Variants in HDAC4 observed in about 807,000 individuals in gnomAD.
The protein encoded by HDAC4 is histone deacetylase 4.
Under a neutral mutation model 135.1 loss-of-function variants are expected in HDAC4, and 16 were observed. The observed-to-expected ratio is 0.12, with a 90% CI of 0.08 to 0.18. The LOEUF (loss-of-function observed/expected upper bound fraction) is 0.18. Ranked by LOEUF, HDAC4 falls within the 10% of genes least tolerant of loss-of-function variation. HDAC4 has a pLI of 1.00. For synonymous variants in HDAC4, 685 were observed against 653.4 expected, an observed-to-expected ratio of 1.05 and a Z score of -0.74; for missense variants, 1,143 against 1,511.8, an observed-to-expected ratio of 0.76 and a Z score of 4.05.
intron 22 of HDAC4, among the ~76,000 whole-genome samples, chr2:239,070,754 AG>A (rs2034103864): frequency 6.6e-6 from 1 of 152,198 alleles, no homozygotes; most frequent in African/African-American, 2.4e-5. Flanking sequence ...GCCTTTAAAA[AG>A]GGGCTTCAAA....
At chr2:239,274,441 A>G (rs964527767) in intron 2 of HDAC4, among the ~76,000 whole-genome samples, 1 of 152,180 alleles carries the variant, frequency 6.6e-6, no homozygotes, top group East Asian at 1.9e-4. Context: ...CGAATCATGT[A>G]TGGGCCCCCG....
At chr2:239,268,529 G>C (rs1025529502) in intron 2 of HDAC4, among the ~76,000 whole-genome samples, 11 of 152,244 alleles carry the variant, frequency 7.2e-5, no homozygotes, top group Non-Finnish European at 1.5e-4. Flanking sequence ...CTTCTTCCCT[G>C]CTGGCTTTTA....
In HDAC4 at chr2:239,052,843, G is replaced by C. The variant is rs898028984; in HGVS notation, c.*254C>G. The C allele has an allele frequency of 5.5e-6, 3 of 547,500 alleles. No individual in the cohort carries two copies. Among genetic ancestry groups the C allele is most frequent in the Non-Finnish European group, 9.9e-6 (3 of 304,300 alleles). The allele number at this position is 547,500 out of a possible 1,614,324, so 33.9% of individuals were successfully genotyped here. On this transcript the variant is annotated 3_prime_UTR_variant, in exon 27 of 27. Coordinates refer to ENST00000543185, the MANE Select transcript of HDAC4 (RefSeq NM_001378414.1). ...CCGCCAGAGTGTGCTTGGCTTCCGC[G>C]TGTCCGTGTGTCTGCGCGTCGCCGG...
chr2:239,226,284 G>A (rs1424858083), intron 3 of HDAC4, among the ~76,000 whole-genome samples: 3 of 151,874 alleles, frequency 2.0e-5, no homozygotes, highest in Admixed American at 2.0e-4. Context: ...CAAATTCTCA[G>A]TGGAAAAAAA....
chr2:239,205,094 TGGCTGGCAGGTGGCAA>T (rs1559223618), intron 3 of HDAC4, among the ~76,000 whole-genome samples: 1 of 152,142 alleles, frequency 6.6e-6, no homozygotes, highest in Non-Finnish European at 1.5e-5. Context: ...CCACCCCACG[TGGCTGGCAGGTGGCAA>T]GGCCTACATT....
rs1055222029 is a variant in HDAC4 at position 239,303,271 on chromosome 2, T to C, written c.22+49407A>G. ...CAAGGTCCCTGGAATCCCCGACAGC[T>C]TGACAATGTGAAATAAGTTTCGCTT... is the stretch of plus-strand genomic sequence containing the variant. On this transcript the variant is annotated intron_variant, in intron 2 of 26. Transcript: ENST00000543185. The surrounding 1 kb of genome is among the most constrained non-coding windows in gnomAD (Gnocchi z 5.1). Among the ~76,000 whole-genome samples, 2 of 152,244 alleles carry C rather than the reference T, an allele frequency of 1.3e-5. No individual in the cohort carries two copies. The highest frequency in any genetic ancestry group is 2.1e-4 in the South Asian group (1 of 4,836).
chr2:239,248,384 T>C (rs1426949368), intron 2 of HDAC4, among the ~76,000 whole-genome samples: 1 of 152,094 alleles, frequency 6.6e-6, no homozygotes, highest in Non-Finnish European at 1.5e-5. Flanking sequence ...GGTTTCACCG[T>C]GTTAGCCAGG....
chr2:239,200,800 C>T (rs535527052), intron 3 of HDAC4, among the ~76,000 whole-genome samples: 5 of 151,990 alleles, frequency 3.3e-5, no homozygotes, highest in South Asian at 2.1e-4. Flanking sequence ...ACGCCGTGCT[C>T]GGAGTGGCGT....
chr2:239,244,884 G>A lies in HDAC4; in HGVS notation c.23-8220C>T, dbSNP rs540982517. 1.8e-4 allele frequency among the ~76,000 whole-genome samples: 27 copies of A among 152,204 alleles called. No individual in the cohort carries two copies. The South Asian group carries it at 5.2e-3, about 29-fold the overall frequency. On this transcript the variant is annotated intron_variant, in intron 2 of 26. Transcript: ENST00000543185. ...TAGGCTTGATGCTCCATAAACTTGTGCCCACCCAACCGGCCCTCCCTGGGA... is the reference window on the plus strand; with the variant it reads ...TAGGCTTGATGCTCCATAAACTTGTACCCACCCAACCGGCCCTCCCTGGGA...
intron 1 of HDAC4, among the ~76,000 whole-genome samples, chr2:239,372,806 C>T (rs1694727046): frequency 1.3e-5 from 2 of 152,244 alleles, no homozygotes; most frequent in South Asian, 2.1e-4. Flanking sequence ...CACATACACA[C>T]ACACGCACAC....
chr2:239,217,984 C>T (rs680392), intron 3 of HDAC4, among the ~76,000 whole-genome samples: 143,419 of 152,222 alleles, frequency 0.94, 67,671 homozygotes, highest in East Asian at 1. Context: ...TCCAGCTACT[C>T]GGAAGGCTGA....
chr2:239,226,240 G>C (rs1316072993), intron 3 of HDAC4, among the ~76,000 whole-genome samples: 1 of 151,994 alleles, frequency 6.6e-6, no homozygotes, highest in Non-Finnish European at 1.5e-5. Context: ...AATACTTTTG[G>C]CCACCAGTGA....
At chr2:239,159,019 TCA>T (rs1420593426) in intron 6 of HDAC4, among the ~76,000 whole-genome samples, 1 of 148,128 alleles carries the variant, frequency 6.8e-6, no homozygotes, top group African/African-American at 2.5e-5. Flanking sequence ...TACCTGCACC[TCA>T]CACTATTCAC....
At chr2:239,397,690 G>A (rs1173886027) in intron 1 of HDAC4, among the ~76,000 whole-genome samples, 2 of 152,174 alleles carry the variant, frequency 1.3e-5, no homozygotes, top group South Asian at 2.1e-4. Flanking sequence ...CTCTTCCCAC[G>A]CACAGAAGCC....
intron 24 of HDAC4, among the ~76,000 whole-genome samples, chr2:239,063,203 TTTTTG>T (rs1471064662): frequency 2.6e-5 from 4 of 151,130 alleles, no homozygotes; most frequent in African/African-American, 7.4e-5. Flanking sequence ...CTGCAGTCTT[TTTTTG>T]TTTTTTTTTT....
At chr2:239,074,754 CTTCT>C (rs1359002724) in intron 22 of HDAC4, among the ~76,000 whole-genome samples, 1 of 152,238 alleles carries the variant, frequency 6.6e-6, no homozygotes, top group African/African-American at 2.4e-5. Flanking sequence ...TGGGACATGA[CTTCT>C]TTGCCTGTAA....
chr2:239,394,973 T>C (rs1696465637), intron 1 of HDAC4, among the ~76,000 whole-genome samples: 1 of 152,092 alleles, frequency 6.6e-6, no homozygotes, highest in African/African-American at 2.4e-5. Flanking sequence ...AATTGCACAA[T>C]GGGATGCTGT....
chr2:239,119,598 C>A (rs2039452156), intron 12 of HDAC4, among the ~76,000 whole-genome samples: 1 of 151,714 alleles, frequency 6.6e-6, no homozygotes, highest in Non-Finnish European at 1.5e-5. Flanking sequence ...GAGCTCAGGG[C>A]TGAGAACGCA....
chr2:239,092,184 A>G (rs1306234565), intron 17 of HDAC4, among the ~76,000 whole-genome samples: 2 of 151,588 alleles, frequency 1.3e-5, no homozygotes, highest in Non-Finnish European at 2.9e-5. Flanking sequence ...GGCTGCAGTT[A>G]GCCATGAATG....
Sources: allele counts gnomAD v4.1 joint callset (sites outside exome capture counted in the v4.1 genomes callset), GRCh38; gene constraint gnomAD v4.1.1; non-coding constraint Gnocchi (gnomAD v3.1); transcripts MANE v1.5; gene names NCBI Gene and HGNC (gene_info 2026-07-23, HGNC 2026-07-21).